Variants in KCNIP3 observed in about 807,000 individuals in gnomAD.
KCNIP3 encodes the protein potassium voltage-gated channel interacting protein 3, also known as calsenilin.
KCNIP3 carries 28 observed loss-of-function variants against 35.0 expected under a neutral mutation model. The ratio of observed to expected loss-of-function variants is 0.80; its 90% CI spans 0.59 to 1.10. The LOEUF is 1.10. Among genes scored for constraint, KCNIP3 ranks in the 50% least tolerant of loss-of-function variants. The pLI is 0.00. For synonymous variants in KCNIP3, 134 were observed against 133.8 expected (o/e 1.00, Z -0.01); for missense variants, 295 against 338.4 (o/e 0.87, Z 1.01).
At chr2:95,309,704 G>A (rs768226436) in intron 1 of KCNIP3, among the ~76,000 whole-genome samples, 5 of 152,132 alleles carry the variant, frequency 3.3e-5, no homozygotes, top group East Asian at 1.9e-4. Context: ...GATTACAGGC[G>A]TGAACCACCA....
chr2:95,368,008 C>A (rs1220519444), intron 2 of KCNIP3, among the ~76,000 whole-genome samples: 5 of 152,132 alleles, frequency 3.3e-5, no homozygotes, highest in Admixed American at 2.6e-4. Flanking sequence ...GTGATCCACC[C>A]GCCTTGGCCT....
In KCNIP3 at chr2:95,374,194, G is replaced by T. The variant is rs529825800; in HGVS notation, c.182-102G>T. Reference sequence around the variant, plus strand: ...TGTCCATGGTAGTCATGCAAAGAGAGTTCCTCCACCTGCTATTTTGGCCCA... The same window carrying T: ...TGTCCATGGTAGTCATGCAAAGAGATTTCCTCCACCTGCTATTTTGGCCCA... On this transcript the variant is annotated intron_variant, in intron 2 of 8. Coordinates refer to ENST00000295225, the MANE Select transcript of KCNIP3 (RefSeq NM_013434.5). 3.3e-5 allele frequency: 47 copies of T among 1,433,472 alleles called. No individual in the cohort carries two copies. The African/African-American group carries it at 6.3e-4, about 19-fold the overall frequency. 88.8% of individuals were successfully genotyped at this position (1,433,472 alleles called of 1,614,324 possible).
At chr2:95,368,465 A>C (rs1679968278) in intron 2 of KCNIP3, 1 of 185,134 alleles carries the variant, frequency 5.4e-6, no homozygotes, top group African/African-American at 2.4e-5. Flanking sequence ...CAATCTCACA[A>C]ATCACCACTA....
intron 2 of KCNIP3, among the ~76,000 whole-genome samples, chr2:95,333,164 C>G (rs1440274130): frequency 6.6e-6 from 1 of 152,174 alleles, no homozygotes; most frequent in African/African-American, 2.4e-5. Flanking sequence ...AACGAATGCT[C>G]CCTTGCTCTG....
In KCNIP3 at chr2:95,378,581, A is replaced by G. The variant is rs748959991; in HGVS notation, c.448-3015A>G. Among the ~76,000 whole-genome samples, 2 of 105,032 alleles carry G rather than the reference A, an allele frequency of 1.9e-5. No individual in the cohort carries two copies. The highest frequency in any genetic ancestry group is 2.2e-4 in the Admixed American group (2 of 8,998). 68.9% of individuals were successfully genotyped at this position (105,032 alleles called of 152,430 possible). ...GAAACCCCGTCTCTACTAAAAATAC[A>G]AAAAAAAAAAAAAAATTAGCTGGGC... On this transcript the variant is annotated intron_variant, in intron 5 of 8. Transcript: ENST00000295225. The surrounding 1 kb of genome is among the most constrained non-coding windows in gnomAD (Gnocchi z 4.0).
intron 2 of KCNIP3, among the ~76,000 whole-genome samples, chr2:95,321,967 A>G (rs1221281451): frequency 1.3e-5 from 2 of 152,000 alleles, no homozygotes; most frequent in East Asian, 3.9e-4. Context: ...CCACGTTTCC[A>G]CTACTCTTAA....
rs1680446985 is a variant in KCNIP3, at chr2:95,384,725, GC to G, written c.*678del. Reference sequence around the variant, plus strand: ...GTGGGGCAAGCCTGAGTGGTGAGGGGCCACTGGGCCCCATTCTCCCTCCATG... The same window carrying G: ...GTGGGGCAAGCCTGAGTGGTGAGGGGCACTGGGCCCCATTCTCCCTCCATG... On this transcript the variant is annotated 3_prime_UTR_variant, in exon 9 of 9. Coordinates refer to ENST00000295225, the MANE Select transcript of KCNIP3 (RefSeq NM_013434.5). 6.6e-6 allele frequency: 1 copy of G among 152,352 alleles called. No homozygotes were observed. Among genetic ancestry groups the G allele is most frequent in the Non-Finnish European group, 1.5e-5 (1 of 68,132 alleles). The allele number at this position is 152,352 out of a possible 1,614,324, so 9.4% of individuals were successfully genotyped here. A position where few individuals can be genotyped will look rare whatever the true frequency, so the allele number is the denominator to read the frequency against.
rs1192923219 is a variant in KCNIP3 at position 95,384,131 on chromosome 2, CTT to C, written c.*85_*86del. ...CCTGCCAGGAGCAGCCTCCAAGAAA[CTT>C]TTAAAAAATAGATTTGCAAAAAGTG... On this transcript the variant is annotated 3_prime_UTR_variant, in exon 9 of 9. Transcript: ENST00000295225. 12 of 1,287,194 alleles carry C rather than the reference CTT, an allele frequency of 9.3e-6. No homozygotes were observed. The East Asian group carries it at 2.8e-4, about 30-fold the overall frequency. The allele number at this position is 1,287,194 out of a possible 1,614,324, so 79.7% of individuals were successfully genotyped here. A position where few individuals can be genotyped will look rare whatever the true frequency, so the allele number is the denominator to read the frequency against.
At chr2:95,374,942 G>A in intron 4 of KCNIP3, 25 bp downstream of exon 4, 1 of 1,612,396 alleles carries the variant, frequency 6.2e-7, no homozygotes, top group Non-Finnish European at 8.5e-7. Context: ...GGGCAGCCCT[G>A]CTGTGTCCCA....
intron 2 of KCNIP3, among the ~76,000 whole-genome samples, chr2:95,365,931 C>A (rs1472594094): frequency 6.6e-6 from 1 of 152,038 alleles, no homozygotes; most frequent in East Asian, 1.9e-4. Context: ...GTAACCATTA[C>A]CACAATCAAG....
intron 2 of KCNIP3, among the ~76,000 whole-genome samples, chr2:95,340,272 G>C (rs879861389): frequency 6.6e-6 from 1 of 152,218 alleles, no homozygotes; most frequent in African/African-American, 2.4e-5. Flanking sequence ...GGAGGCAGAG[G>C]TTGCAGTGAG....
chr2:95,349,209 T>G (rs1356162636), intron 2 of KCNIP3, among the ~76,000 whole-genome samples: 2 of 152,158 alleles, frequency 1.3e-5, no homozygotes, highest in Non-Finnish European at 2.9e-5. Context: ...TCTAAGGAAC[T>G]GTCAGATGAG....
intron 2 of KCNIP3, among the ~76,000 whole-genome samples, chr2:95,335,419 T>G (rs1375916692): frequency 2.0e-5 from 3 of 152,250 alleles, no homozygotes; most frequent in Non-Finnish European, 4.4e-5. Flanking sequence ...CATTGTATTC[T>G]GGCTTCTGTG....
chr2:95,375,159 T>G lies in KCNIP3; in HGVS notation c.398T>G (p.Phe133Cys). The change falls in exon 5 of 9, where the codon TTC becomes TGC. Residue 133 changes from phenylalanine to cysteine, a missense_variant. Physicochemically the swap from Phe to Cys is radical, Grantham distance 205. Coordinates refer to ENST00000295225, the MANE Select transcript of KCNIP3 (RefSeq NM_013434.5). The part of the protein sequence containing the change: ...PQGDATTYAH[F>C]LFNAFDADGN... Reference sequence around the variant, plus strand: ...CCAGATGCCACCACCTATGCACACTTCCTCTTCAACGCCTTTGATGCGGAC... The same window carrying G: ...CCAGATGCCACCACCTATGCACACTGCCTCTTCAACGCCTTTGATGCGGAC... 1 of 1,614,142 alleles carries G rather than the reference T, an allele frequency of 6.2e-7. No individual in the cohort carries two copies. The highest frequency in any genetic ancestry group is 8.5e-7 in the Non-Finnish European group (1 of 1,179,996).
chr2:95,320,636 G>A (rs1464808554), intron 2 of KCNIP3, among the ~76,000 whole-genome samples: 2 of 152,112 alleles, frequency 1.3e-5, no homozygotes, highest in African/African-American at 2.4e-5. Flanking sequence ...CTGGGTGGGT[G>A]TCCAGTTCAC....
rs57975458 is a variant in KCNIP3 at position 95,353,698 on chromosome 2, C to T, written c.182-20598C>T. On this transcript the variant is annotated intron_variant, in intron 2 of 8. Coordinates refer to ENST00000295225, the MANE Select transcript of KCNIP3 (RefSeq NM_013434.5). ...GAGGGCAAGCAGAAGTGGGTGCAGG[C>T]GGGCGAGCCTGGGTGCTGTTGCGAG... Among the ~76,000 whole-genome samples the T allele has an allele frequency of 2.3e-3, 349 of 152,200 alleles. 3 individuals carry two copies. The highest frequency in any genetic ancestry group is 8.1e-3 in the African/African-American group (335 of 41,540).
rs772692069 is a variant in KCNIP3 at position 95,310,414 on chromosome 2, CAAG to C, written c.79_81del (p.Lys27del). On this transcript the variant is annotated inframe_deletion, in exon 2 of 9. Coordinates refer to ENST00000295225, the MANE Select transcript of KCNIP3 (RefSeq NM_013434.5). ...GGGACCTCGGGCACACACCACTTAG[CAAG>C]AAGGAGGGTATCAAGTGGCAGAGGC... The C allele has an allele frequency of 1.2e-6, 2 of 1,613,780 alleles. No individual in the cohort carries two copies. The highest frequency in any genetic ancestry group is 1.7e-4 in the Middle Eastern group (1 of 6,050).
intron 2 of KCNIP3, among the ~76,000 whole-genome samples, chr2:95,357,758 C>A (rs576770648): frequency 6.6e-6 from 1 of 152,290 alleles, no homozygotes; most frequent in African/African-American, 2.4e-5. Context: ...GAGTGTTCCC[C>A]TTGGTGACCA....
chr2:95,329,695 G>T (rs555317069), intron 2 of KCNIP3, among the ~76,000 whole-genome samples: 19 of 152,346 alleles, frequency 1.2e-4, no homozygotes, highest in East Asian at 7.7e-4. Flanking sequence ...CCTGACGGGG[G>T]TCTGCTGGGC....
Sources: gnomAD v4.1 joint callset for allele counts (sites outside exome capture counted in the v4.1 genomes callset) on GRCh38, gnomAD v4.1.1 for gene constraint, Gnocchi (gnomAD v3.1) non-coding constraint, MANE v1.5 for transcripts, NCBI Gene and HGNC (gene_info 2026-07-23, HGNC 2026-07-21) for gene names.